The following TYW1B variants were observed in gnomAD, a reference collection of about 807,000 sequenced individuals.
The protein encoded by TYW1B is tRNA-yW synthesizing protein 1 homolog B, also known as S-adenosyl-L-methionine-dependent tRNA 4-demethylwyosine synthase TYW1B.
In TYW1B, 73 loss-of-function variants were observed where a neutral mutation model predicts 86.9. That is an observed-to-expected ratio of 0.84 (90% CI 0.70 to 1.02). The LOEUF (loss-of-function observed/expected upper bound fraction) is 1.02. TYW1B is among the 50% of genes least tolerant of loss of function. The pLI is 0.00. For missense variants in TYW1B, 637 were observed against 827.4 expected (o/e 0.77, Z 2.82); for synonymous variants, 248 against 292.8 (o/e 0.85, Z 1.56).
intron 10 of TYW1B, among the ~76,000 whole-genome samples, chr7:72,703,026 A>ATTT (rs1166122885): frequency 1.4e-4 from 5 of 35,204 alleles, no homozygotes; most frequent in East Asian, 7.2e-4. Flanking sequence ...ATATATATAT[A>ATTT]TTTTTTTTTT....
Position 72,632,682 on chromosome 7 carries a change from T to TA in TYW1B, c.1507-3686dup, listed in dbSNP as rs573982915. On this transcript the variant is annotated intron_variant, in intron 11 of 13. Coordinates refer to ENST00000620995, the MANE Select transcript of TYW1B (RefSeq NM_001145440.3). Reference sequence around the variant, plus strand: ...ATCTGAACAAATAAACTGGCAACAGTAACCATAAAAATAATAGCAGGAGTT... The same window carrying TA: ...ATCTGAACAAATAAACTGGCAACAGTAAACCATAAAAATAATAGCAGGAGTT... 4.7e-5 allele frequency among the ~76,000 whole-genome samples: 7 copies of TA among 148,910 alleles called. No individual in the cohort carries two copies. The East Asian group carries it at 1.2e-3, about 25-fold the overall frequency.
At chr7:72,765,206 T>C (rs1276014815) in intron 7 of TYW1B, among the ~76,000 whole-genome samples, 6 of 152,192 alleles carry the variant, frequency 3.9e-5, no homozygotes, top group African/African-American at 1.4e-4. Flanking sequence ...GTACGTGAGA[T>C]CTAAAATCTG....
At chr7:72,637,561 A>AT (rs1563040912) in intron 11 of TYW1B, among the ~76,000 whole-genome samples, 1 of 151,788 alleles carries the variant, frequency 6.6e-6, no homozygotes, top group Non-Finnish European at 1.5e-5. Context: ...GTTTTGTAAG[A>AT]TTTTTTGAAT....
At chr7:72,676,152 C>T (rs1554447368) in intron 11 of TYW1B, among the ~76,000 whole-genome samples, 1 of 152,176 alleles carries the variant, frequency 6.6e-6, no homozygotes, top group African/African-American at 2.4e-5. Flanking sequence ...ATCACCTCCA[C>T]TTTGGGCTAT....
At chr7:72,595,171 T>G (rs1811499712) in intron 13 of TYW1B, among the ~76,000 whole-genome samples, 1 of 152,164 alleles carries the variant, frequency 6.6e-6, no homozygotes. Context: ...ATACAAGGTA[T>G]CCAAATTGGA....
chr7:72,575,414 G>T lies in TYW1B; in HGVS notation c.*84C>A. The T allele has an allele frequency of 1.3e-6, 2 of 1,537,198 alleles. No individual in the cohort carries two copies. Among genetic ancestry groups the T allele is most frequent in the Non-Finnish European group, 8.7e-7 (1 of 1,145,002 alleles). The stretch of plus-strand genomic sequence containing the variant: ...TATGAAAGTATAATTTACGTAATTC[G>T]TCCTTGGAGAATCAGAGTGGTGTTC... On this transcript the variant is annotated 3_prime_UTR_variant, in exon 14 of 14. Coordinates refer to ENST00000620995, the MANE Select transcript of TYW1B (RefSeq NM_001145440.3).
Position 72,724,018 on chromosome 7 carries a change from T to C in TYW1B, c.1192+4804A>G, listed in dbSNP as rs148688593. On this transcript the variant is annotated intron_variant, in intron 9 of 13. Coordinates refer to ENST00000620995, the MANE Select transcript of TYW1B (RefSeq NM_001145440.3). ...TTTTTTCTTTTCTATTATCATAATT[T>C]TACAGCAAGATTTACTATGACTATT... Among the ~76,000 whole-genome samples, 1,236 of 151,352 alleles carry C rather than the reference T, an allele frequency of 8.2e-3. 24 individuals carry two copies. The highest frequency in any genetic ancestry group is 0.026 in the African/African-American group (1,088 of 41,182).
At chr7:72,744,333 T>C (rs1484038447) in intron 8 of TYW1B, 151 bp downstream of exon 8, 1 of 730,980 alleles carries the variant, frequency 1.4e-6, no homozygotes, top group Non-Finnish European at 2.2e-6. Context: ...AAAATATTTG[T>C]CTACAAAATT....
In TYW1B at chr7:72,622,783, AAC is replaced by A. The variant is rs782167819; in HGVS notation, c.1618-5946_1618-5945del. Among the ~76,000 whole-genome samples the A allele has an allele frequency of 9.3e-5, 14 of 151,328 alleles. No homozygotes were observed. In the South Asian group the frequency reaches 1.0e-3, roughly 11 times the overall value. On this transcript the variant is annotated intron_variant, in intron 12 of 13. Coordinates refer to ENST00000620995, the MANE Select transcript of TYW1B (RefSeq NM_001145440.3). ...ACACCACACACATGCACGCACACAA[AAC>A]ACACATGCATAACACACACAACACA...
chr7:72,711,473 CT>C (rs59438928), intron 10 of TYW1B, among the ~76,000 whole-genome samples: 132 of 56,936 alleles, frequency 2.3e-3, no homozygotes, highest in South Asian at 8.2e-3. Context: ...CTCTTTAATT[CT>C]TTTTTTTTTT....
At chr7:72,779,105 G>C (rs1399674210) in intron 6 of TYW1B, among the ~76,000 whole-genome samples, 1 of 151,920 alleles carries the variant, frequency 6.6e-6, no homozygotes, top group Non-Finnish European at 1.5e-5. Context: ...AACTCATCCA[G>C]GCAGTGGCCC....
rs781877106 is a variant in TYW1B, at chr7:72,728,928, G to A, written c.1086C>T (p.His362=). 3 of 1,613,696 alleles carry A rather than the reference G, an allele frequency of 1.9e-6. No individual in the cohort carries two copies. The South Asian group carries it at 3.3e-5, about 18-fold the overall frequency. ...CANKCVFCWW[H]HNNPVGTEWL... ...ATTCAGTGCCCACAGGGTTGTTGTG[G>A]TGCCTAGGAACAAGACGCAAAGTTC... is the stretch of plus-strand genomic sequence containing the variant. The change falls in exon 9 of 14, where the codon CAC becomes CAT. Residue 362 remains histidine, a synonymous_variant. Transcript: ENST00000620995.
At chr7:72,752,312 A>C (rs1787514191) in intron 7 of TYW1B, among the ~76,000 whole-genome samples, 1 of 84 alleles carries the variant, frequency 0.012, no homozygotes, top group African/African-American at 0.045. Flanking sequence ...TCCAGGAAGG[A>C]AAGAGAAAAT....
At chr7:72,598,589 G>A (rs1356985822) in intron 13 of TYW1B, among the ~76,000 whole-genome samples, 2 of 152,126 alleles carry the variant, frequency 1.3e-5, no homozygotes, top group African/African-American at 4.8e-5. Flanking sequence ...AAATGAACTG[G>A]AAGAAACATG....
At chr7:72,636,903 G>A (rs199792227) in intron 11 of TYW1B, among the ~76,000 whole-genome samples, 4 of 152,250 alleles carry the variant, frequency 2.6e-5, no homozygotes, top group East Asian at 1.9e-4. Flanking sequence ...CTGGCTGGAC[G>A]CAGTGGCTTA....
At chr7:72,714,454 T>C (rs1213094697) in intron 9 of TYW1B, among the ~76,000 whole-genome samples, 4 of 142,434 alleles carry the variant, frequency 2.8e-5, no homozygotes, top group African/African-American at 1.0e-4. Context: ...TTGCCTCTAC[T>C]AAAAATTAAA....
At chr7:72,638,688 A>G (rs879994026) in intron 11 of TYW1B, among the ~76,000 whole-genome samples, 9 of 152,252 alleles carry the variant, frequency 5.9e-5, no homozygotes, top group Non-Finnish European at 1.0e-4. Context: ...GGGAATACAA[A>G]GAAAACAGAT....
At chr7:72,595,225 T>G (rs1459200853) in intron 13 of TYW1B, among the ~76,000 whole-genome samples, 2 of 152,200 alleles carry the variant, frequency 1.3e-5, no homozygotes, top group Non-Finnish European at 2.9e-5. Context: ...GATATGATGT[T>G]ATATGTAGAA....
intron 11 of TYW1B, among the ~76,000 whole-genome samples, chr7:72,648,958 T>G (rs1812996857): frequency 6.6e-6 from 1 of 152,224 alleles, no homozygotes; most frequent in Non-Finnish European, 1.5e-5. Context: ...GGAATTTTAG[T>G]GTAAATACTA....
Sources: gnomAD v4.1 joint callset for allele counts (sites outside exome capture counted in the v4.1 genomes callset) on GRCh38, gnomAD v4.1.1 for gene constraint, MANE v1.5 for transcripts, NCBI Gene and HGNC (gene_info 2026-07-23, HGNC 2026-07-21) for gene names.